The following CALN1 variants were observed in gnomAD, a reference collection of about 807,000 sequenced individuals.
CALN1 encodes calneuron 1.
A neutral mutation model predicts 30.6 loss-of-function variants in CALN1; 17 were observed. The ratio of observed to expected loss-of-function variants is 0.56; its 90% confidence interval spans 0.38 to 0.83. The LOEUF (loss-of-function observed/expected upper bound fraction) is 0.83, where lower values mean the gene tolerates loss of function less well. Ranked by LOEUF, CALN1 falls within the 40% of genes least tolerant of loss-of-function variation. The probability of loss-of-function intolerance (pLI) is 0.00; values close to 1 mark genes in which losing one functional copy is unlikely to be tolerated. For missense variants in CALN1, 291 were observed against 354.9 expected (o/e 0.82, Z 1.45); for synonymous variants, 156 against 131.4 (o/e 1.19, Z -1.28).
chr7:72,229,322 A>T (rs1793918898), intron 3 of CALN1, among the ~76,000 whole-genome samples: 1 of 152,048 alleles, frequency 6.6e-6, no homozygotes, highest in Admixed American at 6.6e-5. Flanking sequence ...AGGCTCTTAA[A>T]AAGATGGAAG....
At chr7:71,953,200 C>A (rs1163330082) in intron 5 of CALN1, among the ~76,000 whole-genome samples, 1 of 152,130 alleles carries the variant, frequency 6.6e-6, no homozygotes, top group Non-Finnish European at 1.5e-5. Flanking sequence ...TCAAGCAAGC[C>A]TTCCACTTTG....
At chr7:72,268,064 A>C (rs1334266522) in intron 3 of CALN1, among the ~76,000 whole-genome samples, 2 of 152,190 alleles carry the variant, frequency 1.3e-5, no homozygotes, top group Non-Finnish European at 2.9e-5. Flanking sequence ...AGGATGATTG[A>C]AAAGGTTAAA....
chr7:71,878,958 G>C (rs1008469701), intron 5 of CALN1, among the ~76,000 whole-genome samples: 11 of 152,148 alleles, frequency 7.2e-5, no homozygotes, highest in African/African-American at 2.7e-4. Flanking sequence ...TGGGGTGCTG[G>C]GACAGTGACT....
At chr7:72,341,562 A>G (rs930007493) in intron 2 of CALN1, among the ~76,000 whole-genome samples, 5 of 152,160 alleles carry the variant, frequency 3.3e-5, no homozygotes, top group African/African-American at 1.2e-4. Context: ...ATGCCTTGGT[A>G]AGTGTAGAGA....
chr7:72,102,932 G>A (rs1451194504), intron 4 of CALN1, among the ~76,000 whole-genome samples: 3 of 152,052 alleles, frequency 2.0e-5, no homozygotes, highest in Non-Finnish European at 4.4e-5. Flanking sequence ...AATTAGCTGG[G>A]CATGGTGGTG....
At chr7:72,238,608 A>AG (rs33976445) in intron 3 of CALN1, among the ~76,000 whole-genome samples, 2 of 104,840 alleles carry the variant, frequency 1.9e-5, no homozygotes, top group Admixed American at 9.0e-5. Flanking sequence ...ATTGAATCAC[A>AG]GGGAGGGTTA....
At chr7:72,170,137 C>A (rs568398460) in intron 3 of CALN1, among the ~76,000 whole-genome samples, 1 of 152,136 alleles carries the variant, frequency 6.6e-6, no homozygotes, top group Admixed American at 6.5e-5. Context: ...CATGCCTCAG[C>A]TAATTATTTT....
chr7:71,940,027 C>T (rs954434010), intron 5 of CALN1, among the ~76,000 whole-genome samples: 1 of 152,152 alleles, frequency 6.6e-6, no homozygotes, highest in South Asian at 2.1e-4. Flanking sequence ...ACTGTGTCCC[C>T]TCCTAAACCT....
At chr7:71,993,640 A>G (rs1799081245) in intron 5 of CALN1, among the ~76,000 whole-genome samples, 1 of 152,028 alleles carries the variant, frequency 6.6e-6, no homozygotes, top group Non-Finnish European at 1.5e-5. Context: ...TATTTTTAGT[A>G]GAGATGGTGT....
At chr7:72,292,037 G>A (rs2129554953) in intron 2 of CALN1, among the ~76,000 whole-genome samples, 1 of 151,344 alleles carries the variant, frequency 6.6e-6, no homozygotes. Flanking sequence ...TATGACTTTT[G>A]GGGAAACACA....
At chr7:72,321,238 C>G (rs1800857464) in intron 2 of CALN1, among the ~76,000 whole-genome samples, 1 of 152,168 alleles carries the variant, frequency 6.6e-6, no homozygotes, top group Non-Finnish European at 1.5e-5. Context: ...AGGCAGCTCA[C>G]AAAGAGCCGG....
chr7:71,935,848 T>A (rs1795800663), intron 5 of CALN1, among the ~76,000 whole-genome samples: 1 of 152,206 alleles, frequency 6.6e-6, no homozygotes, highest in African/African-American at 2.4e-5. Context: ...GTCTTGAGGT[T>A]GCGGGATGCT....
intron 5 of CALN1, among the ~76,000 whole-genome samples, chr7:71,862,515 C>T (rs1405928413): frequency 1.3e-5 from 2 of 152,146 alleles, no homozygotes; most frequent in Non-Finnish European, 2.9e-5. Flanking sequence ...TTGCCTTCTG[C>T]CATAATCATG....
chr7:71,967,639 A>AAAG (rs1554399065), intron 5 of CALN1, among the ~76,000 whole-genome samples: 130 of 142,672 alleles, frequency 9.1e-4, no homozygotes, highest in East Asian at 4.6e-3. Flanking sequence ...AAAAAAAAAA[A>AAAG]AAAGAAAGAA....
At chr7:72,047,736 C>G (rs1243118750) in intron 4 of CALN1, among the ~76,000 whole-genome samples, 1 of 152,262 alleles carries the variant, frequency 6.6e-6, no homozygotes, top group Non-Finnish European at 1.5e-5. Flanking sequence ...AATATTTACC[C>G]AAACCCATGA....
chr7:72,052,203 G>A (rs572619639), intron 4 of CALN1, among the ~76,000 whole-genome samples: 2 of 152,254 alleles, frequency 1.3e-5, no homozygotes, highest in Admixed American at 6.5e-5. Context: ...AAAATCAATC[G>A]TTTCCTTGTG....
intron 5 of CALN1, among the ~76,000 whole-genome samples, chr7:71,880,898 G>A (rs375166215): frequency 4.6e-5 from 7 of 152,042 alleles, no homozygotes; most frequent in African/African-American, 1.4e-4. Context: ...TTGGATTGAC[G>A]CATGCAAAGT....
intron 5 of CALN1, among the ~76,000 whole-genome samples, chr7:71,999,483 T>A (rs2129528439): frequency 6.6e-6 from 1 of 152,004 alleles, no homozygotes; most frequent in Non-Finnish European, 1.5e-5. Flanking sequence ...ATCTAGCTCA[T>A]ATACACAGAA....
chr7:72,335,601 C>T (rs1801966058), intron 2 of CALN1, among the ~76,000 whole-genome samples: 1 of 152,224 alleles, frequency 6.6e-6, no homozygotes, highest in Non-Finnish European at 1.5e-5. Flanking sequence ...TTGCAGAAAA[C>T]CGGCTCAGGG....
Sources: allele counts gnomAD v4.1 joint callset (sites outside exome capture counted in the v4.1 genomes callset), GRCh38; gene constraint gnomAD v4.1.1; transcripts MANE v1.5; gene names NCBI Gene and HGNC (gene_info 2026-07-23, HGNC 2026-07-21).